The following MICU1 variants were observed in gnomAD, a reference collection of about 807,000 sequenced individuals.
The protein encoded by MICU1 is calcium uptake protein 1, mitochondrial.
Under a neutral mutation model 56.8 loss-of-function variants are expected in MICU1, and 45 were observed. The ratio of observed to expected loss-of-function variants is 0.79; its 90% CI spans 0.62 to 1.02. MICU1 has a LOEUF of 1.02. MICU1 is among the 50% of genes least tolerant of loss of function. MICU1 has a pLI of 0.00. For synonymous variants in MICU1, 186 were observed against 195.1 expected (o/e 0.95, Z 0.39); for missense variants, 504 against 587.1 (o/e 0.86, Z 1.46).
At chr10:72,432,458 T>C (rs1377366771) in intron 8 of MICU1, among the ~76,000 whole-genome samples, 4 of 152,138 alleles carry the variant, frequency 2.6e-5, no homozygotes, top group Non-Finnish European at 4.4e-5. Flanking sequence ...TTAGTCCATT[T>C]GTGTTGCTAT....
At chr10:72,482,895 G>A (rs558160612) in intron 6 of MICU1, among the ~76,000 whole-genome samples, 60 of 149,608 alleles carry the variant, frequency 4.0e-4, no homozygotes, top group Middle Eastern at 3.4e-3. Context: ...TTGCTCTGTC[G>A]CCCAGGTTGA....
intron 1 of MICU1, among the ~76,000 whole-genome samples, chr10:72,622,861 A>G (rs961979354): frequency 6.6e-6 from 1 of 152,206 alleles, no homozygotes; most frequent in Admixed American, 6.6e-5. Flanking sequence ...CAATATCTTA[A>G]AAGTATTAAC....
intron 4 of MICU1, among the ~76,000 whole-genome samples, chr10:72,542,707 G>A (rs1343247212): frequency 3.3e-5 from 5 of 152,336 alleles, no homozygotes; most frequent in Non-Finnish European, 5.9e-5. Flanking sequence ...CTCATTATGT[G>A]GGACAGCTGC....
intron 1 of MICU1, among the ~76,000 whole-genome samples, chr10:72,607,675 A>AGTAAAGTGCC (rs2132559806): frequency 6.6e-6 from 1 of 152,056 alleles, no homozygotes; most frequent in East Asian, 1.9e-4. Context: ...AGTTATAGTA[A>AGTAAAGTGCC]GTAAAGTGCC....
intron 6 of MICU1, among the ~76,000 whole-genome samples, chr10:72,481,026 C>T (rs1238709855): frequency 6.6e-6 from 1 of 152,176 alleles, no homozygotes; most frequent in Non-Finnish European, 1.5e-5. Flanking sequence ...GCGCTGACAC[C>T]ACAGAGGCCA....
At chr10:72,621,641 C>A (rs976372595) in intron 1 of MICU1, among the ~76,000 whole-genome samples, 2 of 151,986 alleles carry the variant, frequency 1.3e-5, no homozygotes, top group African/African-American at 4.8e-5. Flanking sequence ...TTATTAACTG[C>A]AGTTACTAAT....
intron 1 of MICU1, among the ~76,000 whole-genome samples, chr10:72,569,237 A>ATATATATATATATATATATATTTTTT: frequency 2.9e-5 from 1 of 34,392 alleles, no homozygotes; most frequent in Non-Finnish European, 5.1e-5. Flanking sequence ...ATATATATAT[A>ATATATATATATATATATATATTTTTT]TTTTTTTTTT....
intron 10 of MICU1, among the ~76,000 whole-genome samples, chr10:72,401,540 G>C (rs1459363028): frequency 6.6e-6 from 1 of 152,134 alleles, no homozygotes; most frequent in Non-Finnish European, 1.5e-5. Flanking sequence ...TATAGTCCCA[G>C]CTACTTGGGA....
chr10:72,561,582 C>A (rs183173717), intron 3 of MICU1, among the ~76,000 whole-genome samples: 5 of 152,196 alleles, frequency 3.3e-5, no homozygotes, highest in African/African-American at 1.2e-4. Flanking sequence ...CAGGCCGAGG[C>A]AGACGGATCA....
chr10:72,409,280 C>G (rs1483258779), intron 9 of MICU1, among the ~76,000 whole-genome samples: 1 of 152,158 alleles, frequency 6.6e-6, no homozygotes, highest in Non-Finnish European at 1.5e-5. Flanking sequence ...AACTACAGAG[C>G]CCAGGAACTC....
chr10:72,392,875 C>T (rs1863124854), intron 10 of MICU1, among the ~76,000 whole-genome samples: 1 of 152,252 alleles, frequency 6.6e-6, no homozygotes, highest in South Asian at 2.1e-4. Flanking sequence ...CCAAGGAGTG[C>T]TTGTAAGAGA....
At chr10:72,559,327 T>A (rs896902914) in intron 3 of MICU1, among the ~76,000 whole-genome samples, 3 of 152,144 alleles carry the variant, frequency 2.0e-5, no homozygotes, top group Non-Finnish European at 4.4e-5. Context: ...ATTTCTTTTT[T>A]AAAAAACAAT....
intron 7 of MICU1, among the ~76,000 whole-genome samples, chr10:72,476,084 GGGTGT>G (rs377425750): frequency 4.6e-5 from 7 of 151,992 alleles, no homozygotes; most frequent in Admixed American, 1.3e-4. Flanking sequence ...AAAATTAGCC[GGGTGT>G]GGTGGTGGGT....
chr10:72,439,780 G>A (rs1049086866), intron 8 of MICU1, among the ~76,000 whole-genome samples: 3 of 152,152 alleles, frequency 2.0e-5, no homozygotes, highest in Non-Finnish European at 4.4e-5. Flanking sequence ...CAAATCATGA[G>A]TGAACTCCCA....
intron 6 of MICU1, among the ~76,000 whole-genome samples, chr10:72,500,425 C>T (rs377036314): frequency 5.5e-5 from 8 of 145,706 alleles, no homozygotes; most frequent in South Asian, 2.3e-4. Context: ...CAGGTTCAAG[C>T]GATTCTTGTT....
At chr10:72,565,199 T>C (rs183786535) in intron 2 of MICU1, among the ~76,000 whole-genome samples, 12 of 151,782 alleles carry the variant, frequency 7.9e-5, no homozygotes, top group Admixed American at 2.0e-4. Context: ...CGTATGTTTA[T>C]TGCGGCACTA....
intron 10 of MICU1, among the ~76,000 whole-genome samples, chr10:72,393,223 CA>C (rs1589165239): frequency 6.6e-6 from 1 of 152,100 alleles, no homozygotes; most frequent in Admixed American, 6.6e-5. Context: ...CATCCATGAG[CA>C]AGACAGATAA....
chr10:72,447,696 C>CA (rs1300617491), intron 8 of MICU1, among the ~76,000 whole-genome samples: 1 of 152,004 alleles, frequency 6.6e-6, no homozygotes, highest in Non-Finnish European at 1.5e-5. Flanking sequence ...ATGAAAAAAT[C>CA]AATTGTGCCT....
chr10:72,535,450 G>A (rs1839608937), intron 4 of MICU1, among the ~76,000 whole-genome samples: 1 of 152,150 alleles, frequency 6.6e-6, no homozygotes, highest in African/African-American at 2.4e-5. Context: ...AGAAAACAGA[G>A]ACTCAATCCA....
Sources: allele counts gnomAD v4.1 joint callset (sites outside exome capture counted in the v4.1 genomes callset), GRCh38; gene constraint gnomAD v4.1.1; transcripts MANE v1.5; gene names NCBI Gene and HGNC (gene_info 2026-07-23, HGNC 2026-07-21).